ASPRV1: variants seen among roughly 807,000 people sequenced by gnomAD.
ASPRV1 encodes aspartic peptidase retroviral like 1.
ASPRV1 carries 7 observed loss-of-function variants against 11.0 expected under a neutral mutation model. The observed-to-expected ratio is 0.64, with a 90% CI of 0.36 to 1.20. The LOEUF (loss-of-function observed/expected upper bound fraction) is 1.20, where lower values mean the gene tolerates loss of function less well. ASPRV1 is among the 50% of genes most tolerant of loss of function. The pLI is 0.02. For synonymous variants in ASPRV1, 136 were observed against 138.4 expected (o/e 0.98, Z 0.12); for missense variants, 299 against 320.0 (o/e 0.93, Z 0.50).
At chr2:70,038,590 G>C in the ASPRV1 span, among the ~76,000 whole-genome samples, 1 of 137,186 alleles carries the variant, frequency 7.3e-6, no homozygotes, top group Non-Finnish European at 1.5e-5. Flanking sequence ...GTCTCAAGGG[G>C]GAAAAAAAAG....
At chr2:69,951,976 A>G in the ASPRV1 span, among the ~76,000 whole-genome samples, 1 of 151,652 alleles carries the variant, frequency 6.6e-6, no homozygotes, top group Non-Finnish European at 1.5e-5. Flanking sequence ...AGCTTTTCAA[A>G]TTCATTTTCA....
At chr2:70,052,893 G>T in the ASPRV1 span, among the ~76,000 whole-genome samples, 1 of 152,258 alleles carries the variant, frequency 6.6e-6, no homozygotes, top group African/African-American at 2.4e-5. Flanking sequence ...CTGGGAGCAA[G>T]CCTGGCTCAT....
At chr2:70,029,147 T>G in the ASPRV1 span, among the ~76,000 whole-genome samples, 1 of 151,934 alleles carries the variant, frequency 6.6e-6, no homozygotes, top group East Asian at 1.9e-4. Flanking sequence ...TATCTGGGGC[T>G]TAGGAGTGGC....
the ASPRV1 span, among the ~76,000 whole-genome samples, chr2:70,051,647 A>T: frequency 6.6e-6 from 1 of 152,322 alleles, no homozygotes; most frequent in East Asian, 1.9e-4. Flanking sequence ...ATGTACCAGG[A>T]ACTGTTCTCA....
chr2:70,040,313 G>A, the ASPRV1 span, among the ~76,000 whole-genome samples: 1 of 152,160 alleles, frequency 6.6e-6, no homozygotes, highest in African/African-American at 2.4e-5. Context: ...GTTTGAAGCT[G>A]CAGTGAACTG....
chr2:70,001,819 T>C, the ASPRV1 span, among the ~76,000 whole-genome samples: 60 of 152,136 alleles, frequency 3.9e-4, no homozygotes, highest in Admixed American at 9.2e-4. Context: ...TTATATATAA[T>C]GGACACAATT....
chr2:70,060,040 G>T, the ASPRV1 span: 1 of 152,100 alleles, frequency 6.6e-6, no homozygotes, highest in Non-Finnish European at 1.5e-5. Flanking sequence ...CACAATATAT[G>T]GTTGAAAAGC....
the ASPRV1 span, among the ~76,000 whole-genome samples, chr2:69,978,666 G>A: frequency 3.9e-5 from 6 of 152,168 alleles, no homozygotes; most frequent in East Asian, 3.8e-4. Context: ...AGCCTGACAC[G>A]GGTGAGGGTG....
the ASPRV1 span, among the ~76,000 whole-genome samples, chr2:69,946,516 T>A: frequency 6.6e-6 from 1 of 152,228 alleles, no homozygotes; most frequent in African/African-American, 2.4e-5. Context: ...CTTTTCCCCA[T>A]GCCTGACATG....
the ASPRV1 span, among the ~76,000 whole-genome samples, chr2:70,084,400 A>G: frequency 6.6e-6 from 1 of 152,282 alleles, no homozygotes; most frequent in East Asian, 1.9e-4. Flanking sequence ...CAGAGACCAC[A>G]TCCAGTTTAG....
At chr2:70,032,191 A>T in the ASPRV1 span, 5 of 152,138 alleles carry the variant, frequency 3.3e-5, no homozygotes, top group Admixed American at 1.3e-4. Flanking sequence ...TCGTCCTCAA[A>T]GTTTGGAATT....
the ASPRV1 span, among the ~76,000 whole-genome samples, chr2:70,047,680 G>T: frequency 6.6e-6 from 1 of 152,194 alleles, no homozygotes; most frequent in African/African-American, 2.4e-5. Flanking sequence ...AAAATAAAGG[G>T]GAGAGGGGAA....
At chr2:70,010,340 G>T in the ASPRV1 span, among the ~76,000 whole-genome samples, 19,326 of 152,128 alleles carry the variant, frequency 0.13, 1,791 homozygotes, top group South Asian at 0.24. Context: ...GGGCCAGGAA[G>T]GTCTCCTGAA....
At chr2:69,933,457 C>T in the ASPRV1 span, among the ~76,000 whole-genome samples, 1 of 152,094 alleles carries the variant, frequency 6.6e-6, no homozygotes, top group Non-Finnish European at 1.5e-5. Context: ...AGTCTTTGCT[C>T]TGACTCTGCC....
At chr2:69,940,436 G>C in the ASPRV1 span, 1 of 152,602 alleles carries the variant, frequency 6.6e-6, no homozygotes, top group Non-Finnish European at 1.5e-5. Flanking sequence ...AAAAGCTCAA[G>C]ACTTTGGAAA....
chr2:70,072,416 T>A, the ASPRV1 span, among the ~76,000 whole-genome samples: 2 of 149,992 alleles, frequency 1.3e-5, no homozygotes, highest in African/African-American at 4.9e-5. Flanking sequence ...AGACCCTATC[T>A]CTTAAAAATA....
At chr2:70,053,365 G>T in the ASPRV1 span, among the ~76,000 whole-genome samples, 8 of 151,994 alleles carry the variant, frequency 5.3e-5, no homozygotes, top group African/African-American at 1.2e-4. Context: ...AGCCTGGGGT[G>T]GGGGGTATAG....
chr2:70,026,730 G>C, the ASPRV1 span, among the ~76,000 whole-genome samples: 1 of 152,122 alleles, frequency 6.6e-6, no homozygotes, highest in Non-Finnish European at 1.5e-5. Context: ...GATATCTCAT[G>C]CTCATAGATT....
chr2:69,982,681 C>T, the ASPRV1 span, among the ~76,000 whole-genome samples: 2 of 152,142 alleles, frequency 1.3e-5, no homozygotes, highest in East Asian at 3.9e-4. Flanking sequence ...TCAAGCAGAG[C>T]AGGGAAGACA....
Sources: allele counts gnomAD v4.1 joint callset (sites outside exome capture counted in the v4.1 genomes callset), GRCh38; gene constraint gnomAD v4.1.1; transcripts MANE v1.5; gene names NCBI Gene and HGNC (gene_info 2026-07-23, HGNC 2026-07-21).